The following LOC128706665 variants were observed in gnomAD, a reference collection of about 807,000 sequenced individuals.
At chr20:10,429,191 G>A in the LOC128706665 span, among the ~76,000 whole-genome samples, 2 of 152,032 alleles carry the variant, frequency 1.3e-5, no homozygotes, top group South Asian at 2.1e-4. Flanking sequence ...CATTCTCCAT[G>A]GAAAGTGTTC....
chr20:10,421,786 A>G, the LOC128706665 span, among the ~76,000 whole-genome samples: 200 of 151,412 alleles, frequency 1.3e-3, no homozygotes, highest in African/African-American at 4.6e-3. Context: ...AAATATATAT[A>G]TATATATTTT....
the LOC128706665 span, among the ~76,000 whole-genome samples, chr20:10,423,610 C>A: frequency 1.3e-5 from 2 of 152,122 alleles, no homozygotes; most frequent in African/African-American, 4.8e-5. Context: ...ATAGTATGAA[C>A]CCTCTTTGAG....
At chr20:10,430,450 T>C in the LOC128706665 span, among the ~76,000 whole-genome samples, 7 of 152,326 alleles carry the variant, frequency 4.6e-5, no homozygotes, top group Admixed American at 3.9e-4. Context: ...TTGTTAGCTA[T>C]TATTATTTTG....
At chr20:10,420,827 A>G in the LOC128706665 span, 9 of 152,238 alleles carry the variant, frequency 5.9e-5, no homozygotes, top group African/African-American at 2.2e-4. Flanking sequence ...TTACATTTCT[A>G]AATCACTACA....
the LOC128706665 span, among the ~76,000 whole-genome samples, chr20:10,417,305 T>C: frequency 6.6e-6 from 1 of 151,904 alleles, no homozygotes; most frequent in Non-Finnish European, 1.5e-5. Flanking sequence ...CACTGCTAAC[T>C]TGCCTGTTAA....
the LOC128706665 span, among the ~76,000 whole-genome samples, chr20:10,414,112 A>G: frequency 6.6e-6 from 1 of 152,178 alleles, no homozygotes; most frequent in Non-Finnish European, 1.5e-5. Context: ...TTATTCTTCA[A>G]TAAATCCCCT....
the LOC128706665 span, among the ~76,000 whole-genome samples, chr20:10,419,897 G>GT: frequency 6.6e-6 from 1 of 152,180 alleles, no homozygotes; most frequent in Non-Finnish European, 1.5e-5. Context: ...TTGACTGCAG[G>GT]TAACTGAAAC....
At chr20:10,433,019 A>G in the LOC128706665 span, among the ~76,000 whole-genome samples, 2 of 152,038 alleles carry the variant, frequency 1.3e-5, no homozygotes, top group African/African-American at 4.8e-5. Flanking sequence ...TTATTTATTT[A>G]TTTTCTTAAA....
chr20:10,422,446 C>T, the LOC128706665 span, among the ~76,000 whole-genome samples: 3 of 151,954 alleles, frequency 2.0e-5, no homozygotes, highest in Admixed American at 2.0e-4. Context: ...AGGCAAAAGC[C>T]TTTGGGAATT....
At chr20:10,424,202 A>G in the LOC128706665 span, among the ~76,000 whole-genome samples, 3 of 152,086 alleles carry the variant, frequency 2.0e-5, no homozygotes, top group African/African-American at 7.2e-5. Context: ...TTAAAATGAC[A>G]TTGGCATATA....
chr20:10,425,350 T>C, the LOC128706665 span, among the ~76,000 whole-genome samples: 3 of 152,244 alleles, frequency 2.0e-5, no homozygotes, highest in East Asian at 1.9e-4. Context: ...CAATGCTTTA[T>C]TGCAAAATAT....
At chr20:10,421,689 C>T in the LOC128706665 span, among the ~76,000 whole-genome samples, 5 of 152,140 alleles carry the variant, frequency 3.3e-5, no homozygotes, top group Non-Finnish European at 7.4e-5. Context: ...CACTAGAAAA[C>T]CCTAACTTAC....
chr20:10,423,706 C>T, the LOC128706665 span, among the ~76,000 whole-genome samples: 2 of 152,106 alleles, frequency 1.3e-5, no homozygotes, highest in Non-Finnish European at 2.9e-5. Context: ...AAGAAATGCT[C>T]AATTTTATGT....
chr20:10,433,923 T>C, the LOC128706665 span, among the ~76,000 whole-genome samples: 1 of 152,188 alleles, frequency 6.6e-6, no homozygotes, highest in Non-Finnish European at 1.5e-5. Context: ...TCGGCAGCTA[T>C]TTCAGAGGTC....
At chr20:10,431,766 G>A in the LOC128706665 span, 1 of 152,132 alleles carries the variant, frequency 6.6e-6, no homozygotes, top group African/African-American at 2.4e-5. Flanking sequence ...GCAGCCACTT[G>A]TCTTCTCTGC....
At chr20:10,419,342 T>C in the LOC128706665 span, among the ~76,000 whole-genome samples, 4 of 152,132 alleles carry the variant, frequency 2.6e-5, no homozygotes, top group African/African-American at 9.7e-5. Context: ...ATAAATACAA[T>C]ATAGTGTATA....
At chr20:10,418,362 G>A in the LOC128706665 span, among the ~76,000 whole-genome samples, 1 of 152,042 alleles carries the variant, frequency 6.6e-6, no homozygotes, top group East Asian at 1.9e-4. Context: ...ATACTTGAGG[G>A]CTCAATATAC....
the LOC128706665 span, chr20:10,413,976 C>A: frequency 6.5e-5 from 26 of 401,820 alleles, no homozygotes; most frequent in Non-Finnish European, 1.1e-4. Flanking sequence ...ACTTCCCAAG[C>A]AGTTTGTAGA....
At chr20:10,427,063 C>CACACACACACACACACAA in the LOC128706665 span, among the ~76,000 whole-genome samples, 1 of 145,516 alleles carries the variant, frequency 6.9e-6, no homozygotes, top group African/African-American at 2.5e-5. Context: ...CACACACACA[C>CACACACACACACACACAA]ACACACACAC....
Sources: allele counts gnomAD v4.1 joint callset (sites outside exome capture counted in the v4.1 genomes callset), GRCh38; gene constraint gnomAD v4.1.1; transcripts MANE v1.5.